MAST4: variants seen among roughly 807,000 people sequenced by gnomAD.
MAST4 encodes microtubule-associated serine/threonine-protein kinase 4.
In MAST4, 89 loss-of-function variants were observed where a neutral mutation model predicts 162.7. That is an observed-to-expected ratio of 0.55 (90% CI 0.46 to 0.65). The LOEUF (loss-of-function observed/expected upper bound fraction) is 0.65, where lower values mean the gene tolerates loss of function less well. Among genes scored for constraint, MAST4 ranks in the 30% least tolerant of loss-of-function variants. The pLI, the probability that MAST4 is intolerant of heterozygous loss-of-function variation, is 0.00. For missense variants in MAST4, 3,153 were observed against 3,374.0 expected, an observed-to-expected ratio of 0.93 and a Z score of 1.62; for synonymous variants, 1,479 against 1,361.1, an observed-to-expected ratio of 1.09 and a Z score of -1.91.
intron 3 of MAST4, among the ~76,000 whole-genome samples, chr5:66,894,651 G>A (rs1184034118): frequency 1.3e-5 from 2 of 152,240 alleles, no homozygotes; most frequent in Non-Finnish European, 2.9e-5. Flanking sequence ...GAAAGATGAT[G>A]ATGGGGAAGT....
At chr5:67,078,120 A>G (rs1176993996) in intron 5 of MAST4, among the ~76,000 whole-genome samples, 1 of 152,054 alleles carries the variant, frequency 6.6e-6, no homozygotes, top group Admixed American at 6.6e-5. Flanking sequence ...TAAATAAATA[A>G]CTAGAAAAAA....
At chr5:66,685,782 C>T (rs1243665064) in intron 1 of MAST4, among the ~76,000 whole-genome samples, 1 of 152,004 alleles carries the variant, frequency 6.6e-6, no homozygotes, top group Non-Finnish European at 1.5e-5. Flanking sequence ...TGTCACTTAA[C>T]GTAGAGGTTA....
chr5:66,916,683 A>G (rs1441402125), intron 4 of MAST4, among the ~76,000 whole-genome samples: 6 of 152,090 alleles, frequency 3.9e-5, no homozygotes, highest in Non-Finnish European at 7.4e-5. Context: ...GCATACATTG[A>G]TTTGTTGCAG....
intron 2 of MAST4, among the ~76,000 whole-genome samples, chr5:66,773,832 C>T (rs141673362): frequency 1.5e-3 from 223 of 151,872 alleles, no homozygotes; most frequent in South Asian, 5.7e-3. Context: ...TATAAATTAC[C>T]CAGTCTCCAT....
intron 4 of MAST4, among the ~76,000 whole-genome samples, chr5:66,931,763 A>G (rs191763627): frequency 1.3e-5 from 2 of 150,258 alleles, no homozygotes; most frequent in Admixed American, 1.3e-4. Flanking sequence ...AGTACACTGT[A>G]TTAAAAAAAA....
At chr5:66,941,917 T>C (rs929491401) in intron 4 of MAST4, among the ~76,000 whole-genome samples, 1 of 152,100 alleles carries the variant, frequency 6.6e-6, no homozygotes, top group African/African-American at 2.4e-5. Context: ...GGCTGGTCGA[T>C]CAAACAGTCA....
At chr5:66,735,794 C>T (rs566297842) in intron 1 of MAST4, among the ~76,000 whole-genome samples, 1 of 152,106 alleles carries the variant, frequency 6.6e-6, no homozygotes, top group Non-Finnish European at 1.5e-5. Context: ...GTACCCTCAC[C>T]CCCATTTGTG....
At chr5:66,837,372 C>A (rs1434824034) in intron 3 of MAST4, among the ~76,000 whole-genome samples, 1 of 152,048 alleles carries the variant, frequency 6.6e-6, no homozygotes, top group African/African-American at 2.4e-5. Context: ...TTTGAACCAT[C>A]CAACAGTAAG....
intron 4 of MAST4, among the ~76,000 whole-genome samples, chr5:66,998,512 C>T (rs1750920530): frequency 6.6e-6 from 1 of 152,108 alleles, no homozygotes; most frequent in African/African-American, 2.4e-5. Flanking sequence ...ACTCATGGAC[C>T]CATGAAACTG....
intron 3 of MAST4, among the ~76,000 whole-genome samples, chr5:66,868,484 T>C (rs937722835): frequency 7.2e-6 from 1 of 139,706 alleles, no homozygotes; most frequent in East Asian, 2.2e-4. Flanking sequence ...CAAATAACCA[T>C]CACAAACTTT....
chr5:66,623,389 T>G (rs1744201283), intron 1 of MAST4, among the ~76,000 whole-genome samples: 1 of 152,152 alleles, frequency 6.6e-6, no homozygotes. Context: ...GCAAAAATCC[T>G]CAATAAAGTA....
At chr5:66,730,886 A>T (rs771147394) in intron 1 of MAST4, among the ~76,000 whole-genome samples, 2 of 152,120 alleles carry the variant, frequency 1.3e-5, no homozygotes, top group African/African-American at 2.4e-5. Flanking sequence ...TAGGGAAAAG[A>T]GTACTTTACA....
At position 66,879,345 on chromosome 5, in the gene MAST4, TAC is replaced by T. The variant is rs372860024; in HGVS notation, c.643-20590_643-20589del. Among the ~76,000 whole-genome samples the T allele has an allele frequency of 9.7e-3, 1,290 of 133,518 alleles. 21 individuals carry two copies. Among genetic ancestry groups the T allele is most frequent in the African/African-American group, 0.036 (1,214 of 33,268 alleles). 87.6% of individuals were successfully genotyped at this position (133,518 alleles called of 152,430 possible). A position where few individuals can be genotyped will look rare whatever the true frequency, so the allele number is the denominator to read the frequency against. On this transcript the variant is annotated intron_variant, in intron 3 of 28. Coordinates refer to ENST00000403625, the MANE Select transcript of MAST4 (RefSeq NM_001164664.2). Reference sequence around the variant, plus strand: ...ATATATTTTATGTGTTTAAAATATATACACACACACACACACATATATATATA... The same window carrying T: ...ATATATTTTATGTGTTTAAAATATATACACACACACACACATATATATATA...
At chr5:66,895,446 T>A (rs1381093319) in intron 3 of MAST4, among the ~76,000 whole-genome samples, 1 of 152,170 alleles carries the variant, frequency 6.6e-6, no homozygotes, top group Non-Finnish European at 1.5e-5. Flanking sequence ...TTCGTTTGTC[T>A]AGTTGCCTGT....
intron 3 of MAST4, among the ~76,000 whole-genome samples, chr5:66,851,005 C>G: frequency 6.7e-6 from 1 of 149,318 alleles, no homozygotes. Context: ...GAGGGTTTCT[C>G]CTGCAAGTAG....
chr5:66,920,816 G>T (rs546111338), intron 4 of MAST4, among the ~76,000 whole-genome samples: 2 of 152,196 alleles, frequency 1.3e-5, no homozygotes, highest in East Asian at 3.9e-4. Flanking sequence ...CCTTGAATTT[G>T]TTCCAGGGCT....
At chr5:66,727,155 C>G (rs1325367450) in intron 1 of MAST4, among the ~76,000 whole-genome samples, 3 of 152,152 alleles carry the variant, frequency 2.0e-5, no homozygotes, top group Non-Finnish European at 4.4e-5. Flanking sequence ...ATGTTTTAAA[C>G]TTATAGTGAA....
intron 4 of MAST4, among the ~76,000 whole-genome samples, chr5:66,967,384 C>G (rs1746867881): frequency 6.6e-6 from 1 of 152,210 alleles, no homozygotes; most frequent in Non-Finnish European, 1.5e-5. Context: ...AGAAATAAGA[C>G]ATCTGCAGCT....
At position 67,166,567 on chromosome 5, in the gene MAST4, C is replaced by G. The variant is rs1561216232; in HGVS notation, c.7388C>G (p.Ser2463Cys). The G allele has an allele frequency of 2.5e-6, 4 of 1,605,944 alleles. No individual in the cohort carries two copies. Among genetic ancestry groups the G allele is most frequent in the Non-Finnish European group, 3.4e-6 (4 of 1,176,524 alleles). Reference protein sequence around the residue: ...ALPEKSLSCSSSFPETRAGVR... With the variant: ...ALPEKSLSCSCSFPETRAGVR... ...CCGGAAAAGTCTCTGAGCTGCTCCT[C>G]CAGCTTCCCTGAAACCAGGGCCGGA... Residue 2463 changes from serine to cysteine, a missense_variant, in exon 29 of 29, where the codon TCC becomes TGC. Physicochemically the swap from Ser to Cys is moderately radical, Grantham distance 112. This residue lies in a region of MAST4 where 1,644 missense variants were observed against 1,495.0 expected (regional missense o/e 1.10). Transcript: ENST00000403625.
Sources: allele counts gnomAD v4.1 joint callset (sites outside exome capture counted in the v4.1 genomes callset), GRCh38; gene constraint gnomAD v4.1.1; regional missense constraint gnomAD v4.1.1; transcripts MANE v1.5; gene names NCBI Gene and HGNC (gene_info 2026-07-23, HGNC 2026-07-21).